Variants in SLC14A2 observed in about 807,000 individuals in gnomAD.
SLC14A2 encodes solute carrier family 14 member 2.
Under a neutral mutation model 104.6 loss-of-function variants are expected in SLC14A2, and 91 were observed. That is an observed-to-expected ratio of 0.87 (90% CI 0.73 to 1.04). The LOEUF is 1.04. Among genes scored for constraint, SLC14A2 ranks in the 50% least tolerant of loss-of-function variants. The probability of loss-of-function intolerance (pLI) is 0.00; values close to 1 mark genes in which losing one functional copy is unlikely to be tolerated. For missense variants in SLC14A2, 1,189 were observed against 1,156.0 expected, an observed-to-expected ratio of 1.03 and a Z score of -0.41; for synonymous variants, 476 against 466.4, an observed-to-expected ratio of 1.02 and a Z score of -0.27.
chr18:45,617,081 G>T (rs2045084504), intron 1 of SLC14A2, among the ~76,000 whole-genome samples: 1 of 152,122 alleles, frequency 6.6e-6, no homozygotes, highest in Admixed American at 6.5e-5. Flanking sequence ...CTGGGCAACA[G>T]TGGAGACTCC....
chr18:45,297,191 A>G (rs879547196), intron 1 of SLC14A2, among the ~76,000 whole-genome samples: 2 of 152,102 alleles, frequency 1.3e-5, no homozygotes, highest in Non-Finnish European at 2.9e-5. Flanking sequence ...CTGTTCACCC[A>G]ATAATGCCTT....
chr18:45,384,752 A>G (rs887894630), intron 1 of SLC14A2, among the ~76,000 whole-genome samples: 2 of 152,212 alleles, frequency 1.3e-5, no homozygotes, highest in Admixed American at 1.3e-4. Flanking sequence ...GGAAAGCCAC[A>G]AAAAAACTGA....
the SLC14A2 span, among the ~76,000 whole-genome samples, chr18:45,207,833 T>G: frequency 6.6e-6 from 1 of 152,216 alleles, no homozygotes; most frequent in Admixed American, 6.5e-5. Flanking sequence ...GAATGTTTTC[T>G]TAATAATAAC....
At chr18:45,452,938 G>T (rs1047453196) in intron 1 of SLC14A2, among the ~76,000 whole-genome samples, 11 of 152,266 alleles carry the variant, frequency 7.2e-5, no homozygotes, top group Admixed American at 7.2e-4. Context: ...CTCAGGAGTG[G>T]CCCACTGAAG....
intron 1 of SLC14A2, among the ~76,000 whole-genome samples, chr18:45,456,494 A>C (rs2086945710): frequency 6.6e-6 from 1 of 152,200 alleles, no homozygotes. Context: ...CTCCTCAGTA[A>C]GGTGGCTGCA....
chr18:45,562,095 C>T (rs2044207555), intron 2 of SLC14A2, among the ~76,000 whole-genome samples: 1 of 152,116 alleles, frequency 6.6e-6, no homozygotes, highest in Non-Finnish European at 1.5e-5. Context: ...GTTGAGACTC[C>T]CCGTTCCAGT....
intron 1 of SLC14A2, among the ~76,000 whole-genome samples, chr18:45,319,855 G>T (rs1485965431): frequency 6.6e-6 from 1 of 152,168 alleles, no homozygotes; most frequent in Non-Finnish European, 1.5e-5. Flanking sequence ...GAAATGCTGG[G>T]TTTTCTCCTT....
intron 2 of SLC14A2, among the ~76,000 whole-genome samples, chr18:45,540,681 T>A (rs2043871854): frequency 6.6e-6 from 1 of 151,682 alleles, no homozygotes; most frequent in African/African-American, 2.4e-5. Context: ...GGAAGTGGAG[T>A]TTGCAGTGAG....
rs569769537 is a variant in SLC14A2 at position 45,289,569 on chromosome 18, G to A, written c.-125+76378G>A. On this transcript the variant is annotated intron_variant, in intron 1 of 20. Transcript: ENST00000586448. ...CTCCCCATCCTTTAGCCAGGGCAGC[G>A]AGGAGTCTTGCTTTAGGTGCATTTT... is the stretch of plus-strand genomic sequence containing the variant. Among the ~76,000 whole-genome samples the A allele has an allele frequency of 3.3e-5, 5 of 152,252 alleles. No homozygotes were observed. In the South Asian group the frequency reaches 6.2e-4, roughly 19 times the overall value.
At chr18:45,469,060 C>A (rs139012484) in intron 1 of SLC14A2, among the ~76,000 whole-genome samples, 3 of 152,230 alleles carry the variant, frequency 2.0e-5, no homozygotes, top group African/African-American at 7.2e-5. Flanking sequence ...GCGGAGGTTG[C>A]CCCTCTGTTG....
At chr18:45,425,097 T>C (rs1266044551) in intron 1 of SLC14A2, among the ~76,000 whole-genome samples, 1 of 152,154 alleles carries the variant, frequency 6.6e-6, no homozygotes, top group African/African-American at 2.4e-5. Flanking sequence ...TGACTGCACA[T>C]CCAGTTCCCT....
chr18:45,249,748 A>G (rs1203896472), intron 1 of SLC14A2, among the ~76,000 whole-genome samples: 1 of 152,122 alleles, frequency 6.6e-6, no homozygotes. Flanking sequence ...CCAGGAGTTC[A>G]AGACTAGCTT....
At chr18:45,415,718 C>T (rs114256074) in intron 1 of SLC14A2, among the ~76,000 whole-genome samples, 5,109 of 152,196 alleles carry the variant, frequency 0.034, 306 homozygotes, top group African/African-American at 0.12. Flanking sequence ...TAATAGGCTG[C>T]CCTTATTTCT....
chr18:45,350,415 A>C (rs773274456), intron 1 of SLC14A2, among the ~76,000 whole-genome samples: 22 of 152,232 alleles, frequency 1.4e-4, no homozygotes, highest in Non-Finnish European at 3.1e-4. Flanking sequence ...CACGTTCATC[A>C]CAGTGAGGGA....
At chr18:45,219,578 T>C (rs889872802) in intron 1 of SLC14A2, among the ~76,000 whole-genome samples, 1 of 152,222 alleles carries the variant, frequency 6.6e-6, no homozygotes, top group African/African-American at 2.4e-5. Context: ...TGGAGAAAGA[T>C]GCATTTGCAA....
At chr18:45,299,608 C>T (rs1485151922) in intron 1 of SLC14A2, among the ~76,000 whole-genome samples, 1 of 152,170 alleles carries the variant, frequency 6.6e-6, no homozygotes, top group Non-Finnish European at 1.5e-5. Flanking sequence ...ACTGCAGGCA[C>T]ACATCACCAT....
At chr18:45,474,254 T>C (rs2087311024) in intron 1 of SLC14A2, among the ~76,000 whole-genome samples, 1 of 152,246 alleles carries the variant, frequency 6.6e-6, no homozygotes, top group Non-Finnish European at 1.5e-5. Flanking sequence ...ATAAGCTTTT[T>C]GATGTGCTGC....
In SLC14A2 at chr18:45,668,366, G is replaced by A; in HGVS notation, c.1925G>A (p.Gly642Glu). The A allele has an allele frequency of 6.2e-7, 1 of 1,614,124 alleles. No homozygotes were observed. The highest frequency in any genetic ancestry group is 8.5e-7 in the Non-Finnish European group (1 of 1,180,012). Residue 642 changes from glycine to glutamate, a missense_variant, in exon 15 of 20, where the codon GGA becomes GAA. Gly to Glu is a moderately conservative substitution (Grantham distance 98). Coordinates refer to ENST00000255226, the MANE Select transcript of SLC14A2 (RefSeq NM_007163.4). ...LSQDKSAIAA[G>E]FHGYNGVLVG... is the part of the protein sequence containing the mutation. ...CCTGCCAGGTCGGCCATCGCTGCAGGATTTCACGGCTACAATGGGGTGCTG... is the reference window on the plus strand; with the variant it reads ...CCTGCCAGGTCGGCCATCGCTGCAGAATTTCACGGCTACAATGGGGTGCTG...
intron 2 of SLC14A2, among the ~76,000 whole-genome samples, chr18:45,533,315 A>G (rs1266502262): frequency 6.6e-6 from 1 of 152,156 alleles, no homozygotes; most frequent in Non-Finnish European, 1.5e-5. Context: ...TCGGCTGTGA[A>G]TCCATCTGGT....
Sources: gnomAD v4.1 joint callset for allele counts (sites outside exome capture counted in the v4.1 genomes callset) on GRCh38, gnomAD v4.1.1 for gene constraint, MANE v1.5 for transcripts, NCBI Gene and HGNC (gene_info 2026-07-23, HGNC 2026-07-21) for gene names.